Variants in CBX5 observed in about 807,000 individuals in gnomAD.
CBX5 encodes the protein chromobox protein homolog 5.
In CBX5, 7 loss-of-function variants were observed where a neutral mutation model predicts 20.7. The ratio of observed to expected loss-of-function variants is 0.34; its 90% CI spans 0.19 to 0.63. CBX5 has a LOEUF of 0.63. CBX5 is among the 30% of genes least tolerant of loss of function. The pLI, the probability that CBX5 is intolerant of heterozygous loss-of-function variation, is 0.75. For synonymous variants in CBX5, 78 were observed against 77.0 expected (o/e 1.01, Z -0.07); for missense variants, 110 against 224.1 (o/e 0.49, Z 3.25).
chr12:54,266,399 A>G (rs1051442944), intron 1 of CBX5, among the ~76,000 whole-genome samples: 11 of 152,146 alleles, frequency 7.2e-5, no homozygotes, highest in African/African-American at 2.6e-4. Context: ...CTTCATCTCA[A>G]AAAAAATAAA....
rs1173723530 is a variant in CBX5, at chr12:54,238,940, GGGAGAAAGCTCCAT to G, written c.*2801_*2814del. On this transcript the variant is annotated 3_prime_UTR_variant, in exon 5 of 5. Transcript: ENST00000209875. ...GCTCTTAACTATTAACTCTTCTGAG[GGGAGAAAGCTCCAT>G]GAAACAGGTTTCTGTTTGAGGCTGT... is the stretch of plus-strand genomic sequence containing the variant. 6.6e-6 allele frequency: 1 copy of G among 152,222 alleles called. No individual in the cohort carries two copies. Among genetic ancestry groups the G allele is most frequent in the Non-Finnish European group, 1.5e-5 (1 of 68,038 alleles). 9.4% of individuals were successfully genotyped at this position (152,222 alleles called of 1,614,324 possible).
rs576260311 is a variant in CBX5, at chr12:54,276,661, C to G, written c.-43+3347G>C. On this transcript the variant is annotated intron_variant, in intron 1 of 4. Transcript: ENST00000209875. ...GTGACCTATTCTTCAGATCAGCAGT[C>G]TTTTTCCCCCAAAACCCTGGGTCTA... The G allele has an allele frequency of 3.3e-5, 5 of 152,326 alleles. No individual in the cohort carries two copies. In the East Asian group the frequency reaches 9.6e-4, roughly 29 times the overall value. The allele number at this position is 152,326 out of a possible 1,614,324, so 9.4% of individuals were successfully genotyped here.
chr12:54,272,930 T>A (rs1274097012), intron 1 of CBX5: 1 of 152,174 alleles, frequency 6.6e-6, no homozygotes, highest in Non-Finnish European at 1.5e-5. Context: ...CATTAGATAA[T>A]GGCAGAGGCA....
intron 1 of CBX5, among the ~76,000 whole-genome samples, chr12:54,271,513 A>G (rs1423858606): frequency 6.6e-6 from 1 of 152,102 alleles, no homozygotes; most frequent in Admixed American, 6.6e-5. Flanking sequence ...TTTAGTAGAC[A>G]GGGTTTCACC....
At chr12:54,249,980 T>C (rs1268384224) in intron 3 of CBX5, among the ~76,000 whole-genome samples, 2 of 152,140 alleles carry the variant, frequency 1.3e-5, no homozygotes, top group African/African-American at 2.4e-5. Flanking sequence ...CCCAACACTT[T>C]GGGAGGCCAA....
chr12:54,246,329 C>G (rs753881863), intron 3 of CBX5, 114 bp from the exon 4 acceptor site: 1 of 771,390 alleles, frequency 1.3e-6, no homozygotes, highest in Non-Finnish European at 2.1e-6. Context: ...TCATTTCTTT[C>G]ACCAATTCAG....
chr12:54,274,848 G>A (rs980024589), intron 1 of CBX5, among the ~76,000 whole-genome samples: 1 of 152,190 alleles, frequency 6.6e-6, no homozygotes, highest in African/African-American at 2.4e-5. Flanking sequence ...GCTGAGGCAG[G>A]AGGATCGCTT....
chr12:54,243,604 CAT>C (rs1374699115), intron 4 of CBX5, among the ~76,000 whole-genome samples: 4 of 151,996 alleles, frequency 2.6e-5, no homozygotes, highest in Non-Finnish European at 5.9e-5. Flanking sequence ...CGTGGTGGCT[CAT>C]ACCTGTAATC....
chr12:54,252,503 T>A (rs1943816503), intron 2 of CBX5: 2 of 340,662 alleles, frequency 5.9e-6, no homozygotes, highest in Non-Finnish European at 1.0e-5. Flanking sequence ...GATGGTGACA[T>A]GGAAAAACAA....
At position 54,233,646 on chromosome 12, in the gene CBX5, A is replaced by G. The variant is rs1413728671; in HGVS notation, c.*8109T>C. On this transcript the variant is annotated 3_prime_UTR_variant, in exon 5 of 5. Coordinates refer to ENST00000209875, the MANE Select transcript of CBX5 (RefSeq NM_012117.3). ...CAACACATACAGTAAAATGTTCACT[A>G]GGGGCCGGGTGCGGTGGCTTATGCT... The G allele has an allele frequency of 1.3e-5, 2 of 152,204 alleles. No individual in the cohort carries two copies. Among genetic ancestry groups the G allele is most frequent in the Admixed American group, 6.5e-5 (1 of 15,282 alleles). The allele number at this position is 152,204 out of a possible 1,614,324, so 9.4% of individuals were successfully genotyped here.
At chr12:54,267,957 A>G (rs1039417083) in intron 1 of CBX5, among the ~76,000 whole-genome samples, 3 of 152,230 alleles carry the variant, frequency 2.0e-5, no homozygotes, top group Non-Finnish European at 4.4e-5. Flanking sequence ...CAGCCTGGCC[A>G]ACATGGCGAA....
intron 1 of CBX5, chr12:54,273,255 C>T (rs928133185): frequency 6.6e-6 from 1 of 152,116 alleles, no homozygotes; most frequent in African/African-American, 2.4e-5. Context: ...ACCAGCCTGG[C>T]AAACTGGTGA....
At chr12:54,246,631 A>C (rs1943738125) in intron 3 of CBX5, among the ~76,000 whole-genome samples, 1 of 152,124 alleles carries the variant, frequency 6.6e-6, no homozygotes, top group Non-Finnish European at 1.5e-5. Flanking sequence ...AATACAAAAA[A>C]TTAGCCAGGC....
chr12:54,251,117 C>T (rs1388533122), intron 3 of CBX5, among the ~76,000 whole-genome samples: 3 of 146,558 alleles, frequency 2.0e-5, no homozygotes, highest in South Asian at 2.2e-4. Context: ...GGTGACAGAG[C>T]GATATTCTGT....
intron 1 of CBX5, among the ~76,000 whole-genome samples, chr12:54,279,219 T>TA (rs921140638): frequency 6.6e-5 from 10 of 152,162 alleles, no homozygotes; most frequent in African/African-American, 2.4e-4. Context: ...TGACAGTACA[T>TA]AGAGATTTCT....
intron 4 of CBX5, among the ~76,000 whole-genome samples, chr12:54,243,967 A>G (rs1349958413): frequency 6.6e-6 from 1 of 151,892 alleles, no homozygotes; most frequent in Non-Finnish European, 1.5e-5. Flanking sequence ...TACCAGCAGT[A>G]CTCTCATCAG....
In CBX5 at chr12:54,264,222, G is replaced by A. The variant is rs1171863682; in HGVS notation, c.-42-6530C>T. On this transcript the variant is annotated intron_variant, in intron 1 of 4. Transcript: ENST00000209875. ...GTTCAGGCTGCAGTGCAGTGGTGCG[G>A]ACAGTTTATTGCAGTCTCAAACTCC... is the stretch of plus-strand genomic sequence containing the variant. Among the ~76,000 whole-genome samples, 5 of 152,240 alleles carry A rather than the reference G, an allele frequency of 3.3e-5. 1 individual carries two copies. The highest frequency in any genetic ancestry group is 4.2e-4 in the South Asian group (2 of 4,814).
intron 2 of CBX5, among the ~76,000 whole-genome samples, chr12:54,256,429 C>G (rs536569937): frequency 6.6e-6 from 1 of 152,156 alleles, no homozygotes. Flanking sequence ...AGATGAGAAA[C>G]CTTGAGTCAT....
At position 54,231,350 on chromosome 12, in the gene CBX5, C is replaced by G. The variant is rs7959368; in HGVS notation, c.*10405G>C. On this transcript the variant is annotated 3_prime_UTR_variant, in exon 5 of 5. Transcript: ENST00000209875. ...ATCCTGTAGGAAGTGGTGGGAAAGCCAGCGGACCATGGGCAAGTCAACTCC... is the reference window on the plus strand; with the variant it reads ...ATCCTGTAGGAAGTGGTGGGAAAGCGAGCGGACCATGGGCAAGTCAACTCC... The G allele has an allele frequency of 7.0e-3, 1,084 of 154,736 alleles. 8 individuals carry two copies. The highest frequency in any genetic ancestry group is 0.023 in the Middle Eastern group (45 of 1,918). The allele number at this position is 154,736 out of a possible 1,614,324, so 9.6% of individuals were successfully genotyped here.
Sources: allele counts gnomAD v4.1 joint callset (sites outside exome capture counted in the v4.1 genomes callset), GRCh38; gene constraint gnomAD v4.1.1; transcripts MANE v1.5; gene names NCBI Gene and HGNC (gene_info 2026-07-23, HGNC 2026-07-21).